The following SCN8A variants were observed in gnomAD, a reference collection of about 807,000 sequenced individuals.
The protein encoded by SCN8A is sodium voltage-gated channel alpha subunit 8, also known as sodium channel protein type 8 subunit alpha.
Under a neutral mutation model 184.1 loss-of-function variants are expected in SCN8A, and 30 were observed. The observed-to-expected ratio is 0.16, with a 90% CI of 0.12 to 0.22. The LOEUF (loss-of-function observed/expected upper bound fraction) is 0.22. Among genes scored for constraint, SCN8A ranks in the 10% least tolerant of loss-of-function variants. The pLI is 1.00. For missense variants in SCN8A, 1,057 were observed against 2,498.9 expected, an observed-to-expected ratio of 0.42 and a Z score of 12.30; for synonymous variants, 852 against 907.0, an observed-to-expected ratio of 0.94 and a Z score of 1.09.
chr12:51,770,049 C>T lies in SCN8A; in HGVS notation c.3490+64C>T, dbSNP rs569098818. Reference sequence around the variant, plus strand: ...GTGTTGCTCACAGACACAGTTGTGCCAGGGCTAGTGGTGGGTGAGGGGCAG... The same window carrying T: ...GTGTTGCTCACAGACACAGTTGTGCTAGGGCTAGTGGTGGGTGAGGGGCAG... On this transcript the variant is annotated intron_variant, in intron 18 of 26. Coordinates refer to ENST00000627620, the MANE Select transcript of SCN8A (RefSeq NM_001330260.2). 3 of 1,171,428 alleles carry T rather than the reference C, an allele frequency of 2.6e-6. No homozygotes were observed. The Admixed American group carries it at 6.0e-5, about 23-fold the overall frequency. 72.6% of individuals were successfully genotyped at this position (1,171,428 alleles called of 1,614,324 possible). A position where few individuals can be genotyped will look rare whatever the true frequency, so the allele number is the denominator to read the frequency against.
At chr12:51,780,611 CT>C in intron 20 of SCN8A, 37 bp from the exon 21 acceptor site, 1 of 85,418 alleles carries the variant, frequency 1.2e-5, no homozygotes, top group Non-Finnish European at 2.0e-5. Context: ...TTTTGGTTAC[CT>C]TTTTTGTTTT....
chr12:51,711,548 A>G (rs958057023), intron 11 of SCN8A, among the ~76,000 whole-genome samples: 32 of 152,218 alleles, frequency 2.1e-4, no homozygotes. Context: ...ATTTGAACCC[A>G]GGTTCATCCA....
At chr12:51,766,243 C>A (rs1479195165) in intron 16 of SCN8A, 1 of 580,394 alleles carries the variant, frequency 1.7e-6, no homozygotes, top group East Asian at 2.8e-5. Flanking sequence ...AACTTGTCAA[C>A]CCTTTTCCTA....
intron 15 of SCN8A, among the ~76,000 whole-genome samples, chr12:51,764,275 A>G (rs2138860216): frequency 6.6e-6 from 1 of 152,328 alleles, no homozygotes; most frequent in East Asian, 1.9e-4. Flanking sequence ...TTAGCATATG[A>G]CATCTAATGA....
At chr12:51,651,292 C>T (rs1675951860) in intron 1 of SCN8A, among the ~76,000 whole-genome samples, 1 of 152,242 alleles carries the variant, frequency 6.6e-6, no homozygotes, top group Non-Finnish European at 1.5e-5. Context: ...CAACCTCCAC[C>T]TGCTGGGATC....
chr12:51,748,876 G>T (rs1379584284), intron 13 of SCN8A, among the ~76,000 whole-genome samples: 1 of 152,080 alleles, frequency 6.6e-6, no homozygotes, highest in Non-Finnish European at 1.5e-5. Flanking sequence ...GTTGAGGGAA[G>T]CTCCTGCCTT....
chr12:51,673,459 G>C (rs1941168011), intron 2 of SCN8A, among the ~76,000 whole-genome samples: 1 of 152,156 alleles, frequency 6.6e-6, no homozygotes, highest in African/African-American at 2.4e-5. Context: ...CATGGTATCT[G>C]AGACATAGAA....
chr12:51,667,001 G>A (rs530480437), intron 2 of SCN8A, among the ~76,000 whole-genome samples: 2 of 152,164 alleles, frequency 1.3e-5, no homozygotes, highest in Non-Finnish European at 2.9e-5. Flanking sequence ...TTGGTACTTC[G>A]TTCTAATACC....
chr12:51,803,712 T>C (rs1199301553), intron 26 of SCN8A, among the ~76,000 whole-genome samples: 3 of 152,152 alleles, frequency 2.0e-5, no homozygotes, highest in African/African-American at 7.2e-5. Context: ...CTTGAATATA[T>C]ATTATATAAC....
In SCN8A at chr12:51,806,625, C is replaced by A; in HGVS notation, c.5139C>A (p.Pro1713=). ...TSAGWDGLLL[P]ILNRPPDCSL... The stretch of plus-strand genomic sequence containing the variant: ...CTGGTTGGGATGGCCTGCTGCTGCC[C>A]ATCCTAAACCGCCCCCCTGACTGCA... Residue 1713 remains proline, a synonymous_variant, in exon 27 of 27, where the codon CCC becomes CCA. Transcript: ENST00000627620. This position sits in a 1 kb window ranked among gnomAD's most constrained non-coding sequence, Gnocchi z 8.7. 6.2e-7 allele frequency: 1 copy of A among 1,614,172 alleles called. No individual in the cohort carries two copies. The highest frequency in any genetic ancestry group is 8.5e-7 in the Non-Finnish European group (1 of 1,179,996).
At chr12:51,649,172 C>G (rs1940655260) in intron 1 of SCN8A, among the ~76,000 whole-genome samples, 1 of 152,214 alleles carries the variant, frequency 6.6e-6, no homozygotes, top group African/African-American at 2.4e-5. Context: ...CACACTGATG[C>G]AATAGGTGGG....
intron 15 of SCN8A, among the ~76,000 whole-genome samples, chr12:51,763,271 C>T (rs1049173272): frequency 2.6e-5 from 4 of 152,134 alleles, no homozygotes; most frequent in East Asian, 1.9e-4. Flanking sequence ...CCCATACAAC[C>T]GTCCTGTTTT....
At chr12:51,797,207 T>C (rs1174288175) in intron 26 of SCN8A, among the ~76,000 whole-genome samples, 2 of 152,198 alleles carry the variant, frequency 1.3e-5, no homozygotes, top group African/African-American at 4.8e-5. Flanking sequence ...TAATTACGCC[T>C]AACATAATAC....
intron 12 of SCN8A, among the ~76,000 whole-genome samples, chr12:51,727,108 T>G (rs1213030684): frequency 2.0e-5 from 3 of 152,224 alleles, no homozygotes; most frequent in Non-Finnish European, 4.4e-5. Flanking sequence ...CTGCAGCTAT[T>G]GTAGGATATC....
intron 26 of SCN8A, among the ~76,000 whole-genome samples, chr12:51,803,947 GT>G (rs11302377): frequency 0.011 from 1,603 of 152,316 alleles, 27 homozygotes; most frequent in African/African-American, 0.036. Flanking sequence ...GCCTTCTGCA[GT>G]TAACTGCCCC....
chr12:51,606,150 A>G (rs868580070), intron 1 of SCN8A, among the ~76,000 whole-genome samples: 5 of 152,216 alleles, frequency 3.3e-5, no homozygotes, highest in South Asian at 4.1e-4. Flanking sequence ...GTTCTTGGCC[A>G]TGAAATCCTT....
At chr12:51,689,312 T>C in intron 6 of SCN8A, 2 of 530,192 alleles carry the variant, frequency 3.8e-6, no homozygotes, top group Non-Finnish European at 6.7e-6. Flanking sequence ...ATCCATGCTA[T>C]TGAAAAAGCA....
At chr12:51,803,977 T>C (rs1938623038) in intron 26 of SCN8A, among the ~76,000 whole-genome samples, 1 of 152,268 alleles carries the variant, frequency 6.6e-6, no homozygotes, top group South Asian at 2.1e-4. Context: ...TGCATTCTTA[T>C]GAGTGAGAAA....
At chr12:51,759,645 G>A (rs1333616076) in intron 14 of SCN8A, among the ~76,000 whole-genome samples, 1 of 152,224 alleles carries the variant, frequency 6.6e-6, no homozygotes, top group African/African-American at 2.4e-5. Context: ...CGGACCATGT[G>A]CTTCCTGAGA....
Sources: gnomAD v4.1 joint callset for allele counts (sites outside exome capture counted in the v4.1 genomes callset) on GRCh38, gnomAD v4.1.1 for gene constraint, Gnocchi (gnomAD v3.1) non-coding constraint, MANE v1.5 for transcripts, NCBI Gene and HGNC (gene_info 2026-07-23, HGNC 2026-07-21) for gene names.